CTXND2: variants seen among roughly 807,000 people sequenced by gnomAD.
CTXND2 encodes cortexin domain containing 2.
At chr1:150,892,386 C>T (rs996349751) in intron 1 of CTXND2, among the ~76,000 whole-genome samples, 36 of 152,138 alleles carry the variant, frequency 2.4e-4, no homozygotes, top group South Asian at 2.1e-4. Flanking sequence ...TGTGATTTGC[C>T]TCTGGGCTCT....
chr1:150,905,846 C>T (rs1029265345), intron 1 of CTXND2, among the ~76,000 whole-genome samples: 2 of 151,822 alleles, frequency 1.3e-5, no homozygotes, highest in Non-Finnish European at 2.9e-5. Flanking sequence ...AAAAATTAGC[C>T]GGGTGTGGTG....
intron 1 of CTXND2, among the ~76,000 whole-genome samples, chr1:150,892,528 CTTTT>C (rs5777740): frequency 8.1e-6 from 1 of 123,336 alleles, no homozygotes; most frequent in Non-Finnish European, 1.7e-5. Context: ...TCTTCTTCTT[CTTTT>C]TTTTTTTTTT....
At chr1:150,894,476 T>C (rs1280437144) in intron 1 of CTXND2, among the ~76,000 whole-genome samples, 1 of 152,264 alleles carries the variant, frequency 6.6e-6, no homozygotes, top group East Asian at 1.9e-4. Context: ...ATGTGTGTTC[T>C]ATCTACCATA....
rs1669269931 is a variant in CTXND2 at position 150,912,392 on chromosome 1, G to A, written c.78G>A (p.Leu26=). The change falls in exon 2 of 2, where the codon CTG becomes CTA. Residue 26 remains leucine, a synonymous_variant. Transcript: ENST00000636087. ...TTGCCTTTGTTGTTCTTCTGTTTCT[G>A]TTCCTAATAGTGATGATTTTTCGGT... 2.0e-5 allele frequency: 8 copies of A among 398,552 alleles called. 1 individual carries two copies. The South Asian group carries it at 8.9e-4, about 44-fold the overall frequency. 24.7% of individuals were successfully genotyped at this position (398,552 alleles called of 1,614,324 possible).
At chr1:150,900,134 C>T (rs939139375) in intron 1 of CTXND2, among the ~76,000 whole-genome samples, 4 of 152,102 alleles carry the variant, frequency 2.6e-5, no homozygotes, top group African/African-American at 9.7e-5. Flanking sequence ...TATTCTTTTG[C>T]TCTTCTCAAT....
chr1:150,907,243 C>T (rs775260783), intron 1 of CTXND2, among the ~76,000 whole-genome samples: 36 of 152,284 alleles, frequency 2.4e-4, no homozygotes, highest in Middle Eastern at 3.4e-3. Context: ...GTTTTTAGCA[C>T]ATTCACAGAA....
intron 1 of CTXND2, among the ~76,000 whole-genome samples, chr1:150,902,827 G>A (rs1165014093): frequency 6.6e-6 from 1 of 152,020 alleles, no homozygotes; most frequent in Admixed American, 6.6e-5. Flanking sequence ...CATATATCAA[G>A]CTTGAAGGGA....
At chr1:150,908,176 T>C (rs587697459) in intron 1 of CTXND2, among the ~76,000 whole-genome samples, 1 of 152,016 alleles carries the variant, frequency 6.6e-6, no homozygotes, top group South Asian at 2.1e-4. Flanking sequence ...CTAATTTTTG[T>C]ATTTTCTGTA....
At chr1:150,906,613 A>C (rs1669150374) in intron 1 of CTXND2, among the ~76,000 whole-genome samples, 1 of 152,292 alleles carries the variant, frequency 6.6e-6, no homozygotes, top group South Asian at 2.1e-4. Flanking sequence ...AAATCATGTC[A>C]ATTTCTTGGC....
intron 1 of CTXND2, among the ~76,000 whole-genome samples, chr1:150,910,133 C>CTTTTTTTTTTTTTTTT (rs1338323220): frequency 1.0e-4 from 12 of 119,132 alleles, no homozygotes; most frequent in East Asian, 2.4e-4. Context: ...TTTTTTTTTT[C>CTTTTTTTTTTTTTTTT]TTTTTTTTTT....
intron 1 of CTXND2, among the ~76,000 whole-genome samples, chr1:150,906,150 T>C (rs1337652015): frequency 1.3e-5 from 2 of 151,348 alleles, no homozygotes; most frequent in Admixed American, 6.6e-5. Flanking sequence ...AATTTAAAAA[T>C]CAGCCAAGTA....
At chr1:150,887,636 G>A (rs1668791095) in intron 1 of CTXND2, among the ~76,000 whole-genome samples, 1 of 152,068 alleles carries the variant, frequency 6.6e-6, no homozygotes, top group African/African-American at 2.4e-5. Flanking sequence ...TTTGAGGAAA[G>A]TTGGGGGGAC....
At chr1:150,892,669 G>C (rs1486727084) in intron 1 of CTXND2, among the ~76,000 whole-genome samples, 7 of 151,890 alleles carry the variant, frequency 4.6e-5, no homozygotes, top group Admixed American at 3.3e-4. Context: ...CTCCCAAGTA[G>C]CTGGGACTAC....
intron 1 of CTXND2, among the ~76,000 whole-genome samples, chr1:150,900,481 A>G (rs868864082): frequency 1.1e-4 from 16 of 152,202 alleles, no homozygotes; most frequent in South Asian, 2.1e-4. Context: ...AGTGAGACCA[A>G]GAACTCACTG....
chr1:150,896,416 C>T (rs972699738), intron 1 of CTXND2, among the ~76,000 whole-genome samples: 1 of 152,146 alleles, frequency 6.6e-6, no homozygotes, highest in Non-Finnish European at 1.5e-5. Flanking sequence ...CCAAAAGCAT[C>T]CTACCTGATA....
At chr1:150,893,203 T>C (rs1279941126) in intron 1 of CTXND2, among the ~76,000 whole-genome samples, 1 of 152,224 alleles carries the variant, frequency 6.6e-6, no homozygotes, top group Non-Finnish European at 1.5e-5. Context: ...CTTATGTATC[T>C]TATCCAGCCA....
intron 1 of CTXND2, among the ~76,000 whole-genome samples, chr1:150,891,109 G>A (rs973549062): frequency 4.6e-5 from 7 of 152,138 alleles, no homozygotes; most frequent in African/African-American, 1.7e-4. Context: ...TACAGGAAAT[G>A]GACGTTTGCC....
intron 1 of CTXND2, among the ~76,000 whole-genome samples, chr1:150,910,132 T>C (rs12066938): frequency 2.0e-5 from 3 of 149,342 alleles, no homozygotes; most frequent in African/African-American, 7.5e-5. Context: ...TTTTTTTTTT[T>C]CTTTTTTTTT....
At chr1:150,891,028 T>G (rs1281276360) in intron 1 of CTXND2, among the ~76,000 whole-genome samples, 1 of 152,116 alleles carries the variant, frequency 6.6e-6, no homozygotes, top group African/African-American at 2.4e-5. Context: ...GTTGTACTGT[T>G]CATACCCTAC....
Sources: allele counts gnomAD v4.1 joint callset (sites outside exome capture counted in the v4.1 genomes callset), GRCh38; gene constraint gnomAD v4.1.1; transcripts MANE v1.5; gene names NCBI Gene and HGNC (gene_info 2026-07-23, HGNC 2026-07-21).